KCNAB1: variants seen among roughly 807,000 people sequenced by gnomAD.
The protein encoded by KCNAB1 is potassium voltage-gated channel subfamily A regulatory beta subunit 1, also known as voltage-gated potassium channel subunit beta-1.
In KCNAB1, 35 loss-of-function variants were observed where a neutral mutation model predicts 64.6. The ratio of observed to expected loss-of-function variants is 0.54; its 90% CI spans 0.41 to 0.72. The LOEUF (loss-of-function observed/expected upper bound fraction) is 0.72, where lower values mean the gene tolerates loss of function less well. Among genes scored for constraint, KCNAB1 ranks in the 30% least tolerant of loss-of-function variants. KCNAB1 has a pLI of 0.00. For missense variants in KCNAB1, 401 were observed against 512.9 expected (o/e 0.78, Z 2.11); for synonymous variants, 177 against 183.8 (o/e 0.96, Z 0.30).
chr3:156,137,231 G>A (rs1714403020), intron 1 of KCNAB1, among the ~76,000 whole-genome samples: 1 of 150,022 alleles, frequency 6.7e-6, no homozygotes, highest in Admixed American at 6.6e-5. Flanking sequence ...GGTGGGGGGG[G>A]ATTGTTTTTA....
chr3:156,527,198 A>C (rs1205594404), intron 12 of KCNAB1, among the ~76,000 whole-genome samples: 1 of 152,258 alleles, frequency 6.6e-6, no homozygotes, highest in East Asian at 1.9e-4. Context: ...CTACAGCTTT[A>C]ACAAGCACAG....
intron 1 of KCNAB1, among the ~76,000 whole-genome samples, chr3:156,246,872 T>A (rs933552922): frequency 1.2e-4 from 18 of 152,162 alleles, no homozygotes; most frequent in African/African-American, 4.3e-4. Flanking sequence ...TAACAGGAAC[T>A]TTTTTTGTGT....
At chr3:156,132,869 A>G (rs1714084355) in intron 1 of KCNAB1, among the ~76,000 whole-genome samples, 1 of 152,242 alleles carries the variant, frequency 6.6e-6, no homozygotes, top group Non-Finnish European at 1.5e-5. Context: ...ATAAAATTGC[A>G]TATCCTCAAT....
At chr3:156,461,436 C>T (rs1712902444) in intron 5 of KCNAB1, among the ~76,000 whole-genome samples, 1 of 152,224 alleles carries the variant, frequency 6.6e-6, no homozygotes, top group Middle Eastern at 3.2e-3. Flanking sequence ...CTGATAAAGA[C>T]ACCAGTCATA....
intron 1 of KCNAB1, among the ~76,000 whole-genome samples, chr3:156,264,829 G>A (rs1209905069): frequency 6.6e-6 from 1 of 152,072 alleles, no homozygotes; most frequent in African/African-American, 2.4e-5. Flanking sequence ...GTTTTATAGG[G>A]AATAAAAAGC....
chr3:156,338,128 A>G (rs1723837124), intron 1 of KCNAB1, among the ~76,000 whole-genome samples: 1 of 152,082 alleles, frequency 6.6e-6, no homozygotes, highest in Non-Finnish European at 1.5e-5. Context: ...GCCTGCTTCA[A>G]GGAAGGATTC....
intron 1 of KCNAB1, among the ~76,000 whole-genome samples, chr3:156,225,472 C>T (rs926322826): frequency 1.3e-5 from 2 of 152,040 alleles, no homozygotes; most frequent in African/African-American, 4.8e-5. Context: ...TTATACTGAA[C>T]AGGGAAAATT....
intron 1 of KCNAB1, among the ~76,000 whole-genome samples, chr3:156,227,062 A>G (rs1237245432): frequency 6.6e-6 from 1 of 152,254 alleles, no homozygotes; most frequent in African/African-American, 2.4e-5. Context: ...ACAAAGCTAC[A>G]TGATGATTAA....
intron 1 of KCNAB1, among the ~76,000 whole-genome samples, chr3:156,408,044 C>T (rs536472395): frequency 1.1e-4 from 16 of 151,020 alleles, no homozygotes; most frequent in East Asian, 3.9e-4. Flanking sequence ...TGGAAGGTGA[C>T]GGGGGAGGGG....
chr3:156,487,684 G>C (rs999009694), intron 8 of KCNAB1, among the ~76,000 whole-genome samples: 1 of 152,078 alleles, frequency 6.6e-6, no homozygotes, highest in Non-Finnish European at 1.5e-5. Flanking sequence ...CAGTAGGAAG[G>C]GAAAGAAAGC....
intron 1 of KCNAB1, among the ~76,000 whole-genome samples, chr3:156,358,176 A>G (rs1256351128): frequency 1.3e-5 from 2 of 152,230 alleles, no homozygotes; most frequent in Non-Finnish European, 2.9e-5. Context: ...GAGCCACCAT[A>G]GATCTCACTG....
At chr3:156,451,161 A>T (rs1711975839) in intron 2 of KCNAB1, among the ~76,000 whole-genome samples, 1 of 152,232 alleles carries the variant, frequency 6.6e-6, no homozygotes, top group Admixed American at 6.5e-5. Context: ...AAATCTTCTA[A>T]TTGTTTAAAT....
intron 1 of KCNAB1, among the ~76,000 whole-genome samples, chr3:156,237,577 G>A (rs1716920562): frequency 6.6e-6 from 1 of 152,164 alleles, no homozygotes; most frequent in African/African-American, 2.4e-5. Flanking sequence ...TGATTTGGGG[G>A]ATTGGAAGTT....
chr3:156,504,842 C>A (rs1716726095), intron 8 of KCNAB1, among the ~76,000 whole-genome samples: 1 of 147,160 alleles, frequency 6.8e-6, no homozygotes, highest in African/African-American at 2.5e-5. Context: ...AATATTTTCT[C>A]CCATTCTCTA....
At chr3:156,286,842 T>C (rs1160971705) in intron 1 of KCNAB1, among the ~76,000 whole-genome samples, 2 of 152,190 alleles carry the variant, frequency 1.3e-5, no homozygotes. Flanking sequence ...GAACCAAGTC[T>C]CTGGAGGTAG....
At chr3:156,208,344 G>A (rs113554690) in intron 1 of KCNAB1, among the ~76,000 whole-genome samples, 2 of 152,290 alleles carry the variant, frequency 1.3e-5, no homozygotes, top group African/African-American at 4.8e-5. Context: ...TCACGGCCAT[G>A]CTTCCCATCT....
chr3:156,326,239 C>G lies in KCNAB1; in HGVS notation c.276-95377C>G, dbSNP rs147686753. 3.1e-3 allele frequency among the ~76,000 whole-genome samples: 474 copies of G among 152,262 alleles called. 5 individuals are homozygous for G. The highest frequency in any genetic ancestry group is 0.011 in the African/African-American group (450 of 41,552). ...CCTAACTGTCTTTGACATGGCATCT[C>G]TATACATCTCTTAAACTGCTGCCCT... On this transcript the variant is annotated intron_variant, in intron 1 of 13. Transcript: ENST00000490337.
chr3:156,214,471 G>A (rs1191395428), intron 1 of KCNAB1, among the ~76,000 whole-genome samples: 2 of 152,148 alleles, frequency 1.3e-5, no homozygotes, highest in African/African-American at 2.4e-5. Context: ...TGTTGTGTGA[G>A]TAGAGAATAC....
intron 8 of KCNAB1, among the ~76,000 whole-genome samples, chr3:156,496,196 A>C (rs773272366): frequency 9.2e-5 from 14 of 152,116 alleles, no homozygotes; most frequent in Non-Finnish European, 2.1e-4. Context: ...TATAAAGAAA[A>C]ATATTATTAT....
Sources: allele counts gnomAD v4.1 joint callset (sites outside exome capture counted in the v4.1 genomes callset), GRCh38; gene constraint gnomAD v4.1.1; transcripts MANE v1.5; gene names NCBI Gene and HGNC (gene_info 2026-07-23, HGNC 2026-07-21).